PDE7A: variants seen among roughly 807,000 people sequenced by gnomAD.
PDE7A encodes phosphodiesterase 7A, also known as high affinity 3',5'-cyclic-AMP phosphodiesterase 7A.
Under a neutral mutation model 64.3 loss-of-function variants are expected in PDE7A, and 39 were observed. The ratio of observed to expected loss-of-function variants is 0.61; its 90% confidence interval spans 0.47 to 0.79. The LOEUF (loss-of-function observed/expected upper bound fraction) is 0.79. PDE7A is among the 30% of genes least tolerant of loss of function. The pLI, the probability that PDE7A is intolerant of heterozygous loss-of-function variation, is 0.00. For synonymous variants in PDE7A, 203 were observed against 206.8 expected, an observed-to-expected ratio of 0.98 and a Z score of 0.16; for missense variants, 470 against 582.8, an observed-to-expected ratio of 0.81 and a Z score of 1.99.
intron 1 of PDE7A, among the ~76,000 whole-genome samples, chr8:65,837,538 A>G (rs1292859358): frequency 2.6e-5 from 4 of 152,238 alleles, no homozygotes; most frequent in Non-Finnish European, 5.9e-5. Flanking sequence ...ATAATTTTAC[A>G]CACTCTTTTA....
Position 65,717,893 on chromosome 8 carries a change from A to C in PDE7A, c.*1397T>G, listed in dbSNP as rs1446146665. The C allele has an allele frequency of 6.6e-6, 1 of 152,226 alleles. No homozygotes were observed. The highest frequency in any genetic ancestry group is 1.9e-4 in the East Asian group (1 of 5,202). The allele number at this position is 152,226 out of a possible 1,614,324, so 9.4% of individuals were successfully genotyped here. On this transcript the variant is annotated 3_prime_UTR_variant, in exon 13 of 13. Transcript: ENST00000401827. Reference sequence around the variant, plus strand: ...AAAAGAAAGCACCGGTTTCTCTTAAAACTAGATTACAGTTGTGCTTACTAT... The same window carrying C: ...AAAAGAAAGCACCGGTTTCTCTTAACACTAGATTACAGTTGTGCTTACTAT...
chr8:65,792,471 T>C (rs1197767008), intron 1 of PDE7A, among the ~76,000 whole-genome samples: 1 of 152,236 alleles, frequency 6.6e-6, no homozygotes, highest in Non-Finnish European at 1.5e-5. Context: ...CTGTCAATCT[T>C]GGCAATAGCC....
chr8:65,826,199 A>T (rs940202393), intron 1 of PDE7A, among the ~76,000 whole-genome samples: 2 of 152,220 alleles, frequency 1.3e-5, no homozygotes, highest in Admixed American at 6.5e-5. Flanking sequence ...AAGGAGTTTG[A>T]ATTGTGTTTT....
At chr8:65,742,338 T>C (rs1807478492) in intron 5 of PDE7A, among the ~76,000 whole-genome samples, 1 of 152,178 alleles carries the variant, frequency 6.6e-6, no homozygotes, top group African/African-American at 2.4e-5. Flanking sequence ...CAGGTGGCTT[T>C]AGGAGTGACA....
intron 7 of PDE7A, among the ~76,000 whole-genome samples, chr8:65,730,701 G>A (rs1275554794): frequency 1.6e-4 from 25 of 152,100 alleles, no homozygotes; most frequent in Non-Finnish European, 1.5e-5. Flanking sequence ...GCCAAGGCAG[G>A]CAGATCACTT....
At chr8:65,837,614 A>G (rs1810977468) in intron 1 of PDE7A, among the ~76,000 whole-genome samples, 1 of 152,168 alleles carries the variant, frequency 6.6e-6, no homozygotes, top group African/African-American at 2.4e-5. Context: ...GCGTCTCATC[A>G]CTCATGTGGA....
chr8:65,816,098 C>G (rs1810394010), intron 1 of PDE7A, among the ~76,000 whole-genome samples: 1 of 151,680 alleles, frequency 6.6e-6, no homozygotes. Context: ...ATTGGTATTT[C>G]TTGTAAATGA....
At chr8:65,773,545 G>A (rs1809172413) in intron 3 of PDE7A, among the ~76,000 whole-genome samples, 1 of 152,074 alleles carries the variant, frequency 6.6e-6, no homozygotes, top group Non-Finnish European at 1.5e-5. Context: ...CTCAAGCCCG[G>A]TTCTGCTTCA....
At chr8:65,830,709 C>G (rs978376764) in intron 1 of PDE7A, among the ~76,000 whole-genome samples, 1 of 152,068 alleles carries the variant, frequency 6.6e-6, no homozygotes, top group Non-Finnish European at 1.5e-5. Flanking sequence ...AAATCTGACA[C>G]AGAGCATTAT....
chr8:65,733,761 A>C (rs1463689971), intron 7 of PDE7A, among the ~76,000 whole-genome samples: 1 of 152,206 alleles, frequency 6.6e-6, no homozygotes, highest in Non-Finnish European at 1.5e-5. Flanking sequence ...ATACTAAAAA[A>C]CGGGCATTTT....
chr8:65,769,210 T>C (rs1442709677), intron 3 of PDE7A, among the ~76,000 whole-genome samples: 1 of 136,708 alleles, frequency 7.3e-6, no homozygotes, highest in African/African-American at 2.8e-5. Context: ...ATCACGCCAC[T>C]GCACTCCAGC....
intron 1 of PDE7A, among the ~76,000 whole-genome samples, chr8:65,803,160 G>A (rs918025248): frequency 6.6e-6 from 1 of 152,138 alleles, no homozygotes; most frequent in African/African-American, 2.4e-5. Flanking sequence ...AGCAAAGCAA[G>A]AACAGCCTAA....
Position 65,739,575 on chromosome 8 carries a change from G to C in PDE7A, c.522C>G (p.Thr174=). 6.5e-7 allele frequency: 1 copy of C among 1,549,352 alleles called. No homozygotes were observed. The highest frequency in any genetic ancestry group is 1.7e-4 in the Middle Eastern group (1 of 5,874). The part of the protein sequence containing the change: ...LTNGNSLVSL[T]FHLFSLHGLI... The stretch of plus-strand genomic sequence containing the variant: ...ATCCATGAAGACTAAATAAATGAAA[G>C]GTTAAGCTTACTAGACTATTTCCTA... Residue 174 remains threonine, a synonymous_variant, in exon 6 of 13, where the codon ACC becomes ACG. Transcript: ENST00000401827.
At chr8:65,836,797 A>G (rs1352916315) in intron 1 of PDE7A, among the ~76,000 whole-genome samples, 1 of 152,236 alleles carries the variant, frequency 6.6e-6, no homozygotes, top group African/African-American at 2.4e-5. Flanking sequence ...TCAAGTGCCC[A>G]CTAGCCACAT....
intron 1 of PDE7A, among the ~76,000 whole-genome samples, chr8:65,839,494 G>C (rs1026221474): frequency 5.9e-5 from 9 of 151,370 alleles, no homozygotes; most frequent in Admixed American, 4.6e-4. Flanking sequence ...TCTTGATAAT[G>C]ATAAGTATGT....
At chr8:65,807,935 C>T (rs909738293) in intron 1 of PDE7A, among the ~76,000 whole-genome samples, 3 of 152,124 alleles carry the variant, frequency 2.0e-5, no homozygotes, top group Non-Finnish European at 4.4e-5. Flanking sequence ...TTATTGTATA[C>T]AAGAATTTGG....
At chr8:65,724,372 A>G (rs1208788951) in intron 10 of PDE7A, 21 bp from the exon 11 acceptor site, 1 of 1,555,334 alleles carries the variant, frequency 6.4e-7, no homozygotes. Flanking sequence ...AAACATTAAT[A>G]TTGTTTTAAG....
chr8:65,810,665 T>C (rs1253083738), intron 1 of PDE7A, among the ~76,000 whole-genome samples: 1 of 152,178 alleles, frequency 6.6e-6, no homozygotes, highest in African/African-American at 2.4e-5. Flanking sequence ...TAATTTACTA[T>C]ATTAGAGCAA....
intron 3 of PDE7A, among the ~76,000 whole-genome samples, chr8:65,767,118 A>G (rs1808826805): frequency 6.6e-6 from 1 of 152,216 alleles, no homozygotes; most frequent in African/African-American, 2.4e-5. Flanking sequence ...GAAGAATTAG[A>G]TCCTTTATTT....
Sources: allele counts gnomAD v4.1 joint callset (sites outside exome capture counted in the v4.1 genomes callset), GRCh38; gene constraint gnomAD v4.1.1; transcripts MANE v1.5; gene names NCBI Gene and HGNC (gene_info 2026-07-23, HGNC 2026-07-21).